Variants in LRRK2 observed in about 807,000 individuals in gnomAD.
LRRK2 encodes the protein leucine rich repeat kinase 2, also known as leucine-rich repeat serine/threonine-protein kinase 2.
Under a neutral mutation model 302.6 loss-of-function variants are expected in LRRK2, and 203 were observed. The observed-to-expected ratio is 0.67, with a 90% CI of 0.60 to 0.75. The LOEUF (loss-of-function observed/expected upper bound fraction) is 0.75. LRRK2 is among the 30% of genes least tolerant of loss of function. The pLI is 0.00. For missense variants in LRRK2, 2,830 were observed against 2,951.0 expected, an observed-to-expected ratio of 0.96 and a Z score of 0.95; for synonymous variants, 1,066 against 1,031.9, an observed-to-expected ratio of 1.03 and a Z score of -0.63.
intron 25 of LRRK2, among the ~76,000 whole-genome samples, chr12:40,302,395 A>G (rs1316464671): frequency 1.3e-5 from 2 of 152,022 alleles, no homozygotes; most frequent in African/African-American, 4.8e-5. Context: ...CTTATAATAT[A>G]CTGTATTTTA....
At chr12:40,352,778 G>A (rs1201295564) in intron 44 of LRRK2, among the ~76,000 whole-genome samples, 1 of 151,686 alleles carries the variant, frequency 6.6e-6, no homozygotes, top group African/African-American at 2.4e-5. Flanking sequence ...CGGGTTGGGG[G>A]CAAGGTCATA....
chr12:40,365,350 T>G, intron 49 of LRRK2: 1 of 274,724 alleles, frequency 3.6e-6, no homozygotes, highest in South Asian at 6.4e-5. Context: ...ATTGAATATA[T>G]TTTACTTTTT....
chr12:40,258,213 A>G (rs1340909774), intron 12 of LRRK2, among the ~76,000 whole-genome samples: 1 of 152,188 alleles, frequency 6.6e-6, no homozygotes, highest in South Asian at 2.1e-4. Flanking sequence ...AATTGTGTCT[A>G]TTGTTGTTAT....
At chr12:40,333,155 G>C (rs1945764269) in intron 39 of LRRK2, among the ~76,000 whole-genome samples, 1 of 152,110 alleles carries the variant, frequency 6.6e-6, no homozygotes, top group African/African-American at 2.4e-5. Context: ...AACAAGCAGA[G>C]CTAACTTAAC....
intron 34 of LRRK2, among the ~76,000 whole-genome samples, chr12:40,320,613 C>A (rs73097442): frequency 0.013 from 1,943 of 152,032 alleles, 56 homozygotes; most frequent in African/African-American, 0.042. Context: ...GGAAATTTTT[C>A]CTACTGCTCT....
intron 39 of LRRK2, among the ~76,000 whole-genome samples, chr12:40,332,960 T>TAA (rs35031086): frequency 0.12 from 16,434 of 141,946 alleles, 1,112 homozygotes; most frequent in African/African-American, 0.14. Context: ...CTTCTTCTCT[T>TAA]AAAAAAAAAA....
At chr12:40,228,139 AG>A (rs1940989249) in intron 2 of LRRK2, among the ~76,000 whole-genome samples, 1 of 152,136 alleles carries the variant, frequency 6.6e-6, no homozygotes, top group Non-Finnish European at 1.5e-5. Context: ...TTCTCTTTTT[AG>A]TTTTTTAAGA....
At chr12:40,361,427 T>C (rs544156186) in intron 47 of LRRK2, among the ~76,000 whole-genome samples, 1 of 152,238 alleles carries the variant, frequency 6.6e-6, no homozygotes, top group East Asian at 1.9e-4. Flanking sequence ...TGCTGAGGTT[T>C]GGAATACAAC....
chr12:40,275,579 G>T (rs559457310), intron 16 of LRRK2, among the ~76,000 whole-genome samples: 2 of 151,220 alleles, frequency 1.3e-5, no homozygotes, highest in Admixed American at 1.3e-4. Context: ...TGCCTTGGTT[G>T]TGGAGTTTGC....
intron 31 of LRRK2, among the ~76,000 whole-genome samples, chr12:40,311,618 A>G (rs1289741210): frequency 6.6e-6 from 1 of 152,190 alleles, no homozygotes; most frequent in African/African-American, 2.4e-5. Flanking sequence ...ATGATAAATT[A>G]TATAGTCACC....
In LRRK2 at chr12:40,298,221, T is replaced by G. The variant is rs200885769; in HGVS notation, c.3097-22T>G. The G allele has an allele frequency of 6.8e-6, 11 of 1,611,186 alleles. No homozygotes were observed. The African/African-American group carries it at 1.3e-4, about 20-fold the overall frequency. On this transcript the variant is annotated intron_variant, in intron 23 of 50. Transcript: ENST00000298910. ...GTTCCTCAGATGGTTCACTTTAGAA[T>G]TTTAAACTATTGTCTTTTCAGACTC...
intron 31 of LRRK2, among the ~76,000 whole-genome samples, chr12:40,313,481 C>A (rs1945101554): frequency 6.6e-6 from 1 of 151,916 alleles, no homozygotes; most frequent in South Asian, 2.1e-4. Context: ...CTCTGCGTTT[C>A]ACTGTTGATA....
At position 40,295,428 on chromosome 12, in the gene LRRK2, G is replaced by T. The variant is rs199847386; in HGVS notation, c.2880G>T (p.Arg960Ser). The T allele has an allele frequency of 1.4e-5, 23 of 1,611,144 alleles. No individual in the cohort carries two copies. The highest frequency in any genetic ancestry group is 1.9e-5 in the Non-Finnish European group (22 of 1,179,444). ...RKILSSDDSL[R>S]SSKLQSHMRH... ...TTGTTTGTTTGTTTTTGACAAAAGG[G>T]TCATCAAAACTTCAATCCCATATGA... The change falls in exon 23 of 51, where the codon AGG becomes AGT. Residue 960 changes from arginine to serine, a missense_variant and splice_region_variant. By Grantham distance (110) the Arg-to-Ser change is moderately radical (BLOSUM62 -1). Coordinates refer to ENST00000298910, the MANE Select transcript of LRRK2 (RefSeq NM_198578.4).
At chr12:40,264,683 T>G (rs1942931799) in intron 14 of LRRK2, among the ~76,000 whole-genome samples, 1 of 152,198 alleles carries the variant, frequency 6.6e-6, no homozygotes, top group Admixed American at 6.6e-5. Flanking sequence ...TACGCTCCTT[T>G]TCATTGTTCT....
At chr12:40,285,762 A>T (rs1358913466) in intron 19 of LRRK2, among the ~76,000 whole-genome samples, 3 of 152,092 alleles carry the variant, frequency 2.0e-5, no homozygotes, top group African/African-American at 4.8e-5. Flanking sequence ...AGGAAAAAAA[A>T]ACGTGGAGCA....
chr12:40,351,175 A>G (rs1946339678), intron 43 of LRRK2, among the ~76,000 whole-genome samples: 1 of 152,216 alleles, frequency 6.6e-6, no homozygotes, highest in East Asian at 1.9e-4. Context: ...TAGAAGCTCA[A>G]CTAAATTGTT....
intron 18 of LRRK2, among the ~76,000 whole-genome samples, chr12:40,282,189 CTCCTTCCT>C (rs148321147): frequency 2.1e-3 from 289 of 138,798 alleles, no homozygotes; most frequent in Admixed American, 3.2e-3. Flanking sequence ...CCTTCCCCTT[CTCCTTCCT>C]TCCTTCCTTC....
intron 25 of LRRK2, among the ~76,000 whole-genome samples, chr12:40,301,381 G>A (rs1592253525): frequency 6.6e-6 from 1 of 152,180 alleles, no homozygotes; most frequent in Non-Finnish European, 1.5e-5. Context: ...TGGAGATCAG[G>A]CCACAGCACT....
rs1235606910 is a variant in LRRK2 at position 40,304,069 on chromosome 12, A to C, written c.3712A>C (p.Ser1238Arg). 6.2e-7 allele frequency: 1 copy of C among 1,613,716 alleles called. No individual in the cohort carries two copies. The highest frequency in any genetic ancestry group is 8.5e-7 in the Non-Finnish European group (1 of 1,179,734). ...TAATCAGATCAGCATCTTGGACTTGAGTGAAAAAGCATATTTATGGTCTAG... is the reference window on the plus strand; with the variant it reads ...TAATCAGATCAGCATCTTGGACTTGCGTGAAAAAGCATATTTATGGTCTAG... ...SHNQISILDL[S>R]EKAYLWSRVE... Residue 1238 changes from serine to arginine, a missense_variant, in exon 27 of 51, where the codon AGT (serine) becomes CGT (arginine). Around this residue, in one of 3 missense-constraint regions of LRRK2, gnomAD observed 2,121 missense variants for 2,148.0 expected, o/e 0.99. Transcript: ENST00000298910.
Sources: allele counts gnomAD v4.1 joint callset (sites outside exome capture counted in the v4.1 genomes callset), GRCh38; gene constraint gnomAD v4.1.1; regional missense constraint gnomAD v4.1.1; transcripts MANE v1.5; gene names NCBI Gene and HGNC (gene_info 2026-07-23, HGNC 2026-07-21).